LARS2: variants seen among roughly 807,000 people sequenced by gnomAD.
The protein encoded by LARS2 is leucine--tRNA ligase, mitochondrial.
LARS2 carries 81 observed loss-of-function variants against 116.6 expected under a neutral mutation model. The observed-to-expected ratio is 0.69, with a 90% confidence interval of 0.58 to 0.84. LARS2 has a LOEUF of 0.84. LARS2 is among the 40% of genes least tolerant of loss of function. The probability of loss-of-function intolerance (pLI) is 0.00; values close to 1 mark genes in which losing one functional copy is unlikely to be tolerated. For synonymous variants in LARS2, 396 were observed against 407.2 expected (o/e 0.97, Z 0.33); for missense variants, 968 against 1,114.5 (o/e 0.87, Z 1.87).
intron 7 of LARS2, among the ~76,000 whole-genome samples, chr3:45,451,754 T>G (rs1302032507): frequency 6.6e-6 from 1 of 152,148 alleles, no homozygotes; most frequent in East Asian, 1.9e-4. Flanking sequence ...GTCATTGATA[T>G]TCTGATAGGG....
At chr3:45,489,894 T>C (rs1162567712) in intron 12 of LARS2, among the ~76,000 whole-genome samples, 1 of 152,146 alleles carries the variant, frequency 6.6e-6, no homozygotes, top group African/African-American at 2.4e-5. Flanking sequence ...TGACTTAACA[T>C]AGTGATGCCA....
intron 6 of LARS2, among the ~76,000 whole-genome samples, chr3:45,433,455 G>A (rs961279693): frequency 3.9e-5 from 6 of 151,970 alleles, no homozygotes; most frequent in African/African-American, 7.2e-5. Flanking sequence ...TTATAATGTA[G>A]CACAATCTAC....
At chr3:45,440,729 T>C (rs1698891622) in intron 6 of LARS2, among the ~76,000 whole-genome samples, 1 of 152,130 alleles carries the variant, frequency 6.6e-6, no homozygotes, top group Non-Finnish European at 1.5e-5. Flanking sequence ...GACTAAATCC[T>C]GCCCAAGCAG....
At chr3:45,498,571 C>T (rs868192333) in intron 14 of LARS2, among the ~76,000 whole-genome samples, 9 of 152,212 alleles carry the variant, frequency 5.9e-5, no homozygotes, top group African/African-American at 9.6e-5. Context: ...GGTAGCCAGG[C>T]TCTTTTTTCT....
chr3:45,392,549 C>T (rs549548349), intron 2 of LARS2, among the ~76,000 whole-genome samples: 1 of 152,228 alleles, frequency 6.6e-6, no homozygotes, highest in East Asian at 1.9e-4. Context: ...CCTGCCTCAG[C>T]CTCCCAGAAT....
chr3:45,415,893 G>GA (rs1698411445), intron 4 of LARS2, among the ~76,000 whole-genome samples: 9 of 69,812 alleles, frequency 1.3e-4, no homozygotes, highest in East Asian at 3.6e-4. Context: ...AGAGAGAGAG[G>GA]GAGAGAGAGA....
At chr3:45,534,255 C>T (rs182356555) in intron 20 of LARS2, among the ~76,000 whole-genome samples, 1 of 152,216 alleles carries the variant, frequency 6.6e-6, no homozygotes, top group Admixed American at 6.5e-5. Context: ...AGGAATGTCC[C>T]CCTAGGTCAT....
At chr3:45,394,402 C>T (rs1387003846) in intron 2 of LARS2, 31 bp from the exon 3 acceptor site, 2 of 1,320,308 alleles carry the variant, frequency 1.5e-6, no homozygotes, top group African/African-American at 2.9e-5. Context: ...TTTGAGGCAG[C>T]TCATAGTGTG....
At chr3:45,523,125 A>G (rs1011160994) in intron 19 of LARS2, among the ~76,000 whole-genome samples, 1 of 152,238 alleles carries the variant, frequency 6.6e-6, no homozygotes, top group Non-Finnish European at 1.5e-5. Context: ...AAATAAAGCA[A>G]GACACTGAAA....
chr3:45,492,904 A>T (rs1202787617), intron 13 of LARS2, among the ~76,000 whole-genome samples: 1 of 152,120 alleles, frequency 6.6e-6, no homozygotes, highest in Non-Finnish European at 1.5e-5. Context: ...TTAGGGTAGA[A>T]ATGTTGGCTC....
intron 11 of LARS2, among the ~76,000 whole-genome samples, chr3:45,487,964 T>A (rs1483229888): frequency 2.6e-5 from 4 of 152,134 alleles, no homozygotes; most frequent in Non-Finnish European, 5.9e-5. Context: ...ACTTCCTGAC[T>A]GAGTGGATTT....
intron 10 of LARS2, among the ~76,000 whole-genome samples, chr3:45,477,594 C>G (rs1355172562): frequency 1.3e-5 from 2 of 152,152 alleles, no homozygotes; most frequent in African/African-American, 4.8e-5. Context: ...AGGGCTCTTA[C>G]CAGATAAGGG....
rs550614212 is a variant in LARS2 at position 45,399,358 on chromosome 3, A to G, written c.235-887A>G. Among the ~76,000 whole-genome samples the G allele has an allele frequency of 1.4e-4, 21 of 152,358 alleles. No homozygotes were observed. The South Asian group carries it at 4.1e-3, about 30-fold the overall frequency. ...AGAGATGTTACATCTATGTGATTCA[A>G]CTATTGCTTCTTTGAATTATATGGA... On this transcript the variant is annotated intron_variant, in intron 3 of 21. Coordinates refer to ENST00000645846, the MANE Select transcript of LARS2 (RefSeq NM_015340.4).
intron 4 of LARS2, among the ~76,000 whole-genome samples, chr3:45,401,696 T>C (rs2537815): frequency 0.75 from 114,040 of 151,942 alleles, 44,331 homozygotes; most frequent in African/African-American, 0.92. Flanking sequence ...TCACAGTTCA[T>C]TGCAGCCTCG....
intron 6 of LARS2, 46 bp downstream of exon 6, chr3:45,419,775 C>A (rs775141199): frequency 2.7e-6 from 4 of 1,466,166 alleles, no homozygotes; most frequent in Non-Finnish European, 3.8e-6. Flanking sequence ...TAAGGAAGGA[C>A]TTGATGGCAG....
intron 3 of LARS2, among the ~76,000 whole-genome samples, chr3:45,399,471 GT>G (rs1426329070): frequency 6.6e-6 from 1 of 151,390 alleles, no homozygotes; most frequent in African/African-American, 2.4e-5. Context: ...GTGTTTTTTT[GT>G]TTTGTTTTGT....
chr3:45,459,707 G>A (rs185109671), intron 8 of LARS2, among the ~76,000 whole-genome samples: 2 of 152,324 alleles, frequency 1.3e-5, no homozygotes, highest in Admixed American at 6.5e-5. Context: ...AGGTGCTGGA[G>A]TTGAGGGGTC....
intron 11 of LARS2, among the ~76,000 whole-genome samples, chr3:45,486,414 A>C (rs1575285594): frequency 6.6e-6 from 1 of 152,324 alleles, no homozygotes; most frequent in African/African-American, 2.4e-5. Flanking sequence ...AAGTCTGAGA[A>C]TGAACAAAGA....
intron 12 of LARS2, among the ~76,000 whole-genome samples, chr3:45,490,534 A>G (rs986260609): frequency 6.6e-6 from 1 of 152,228 alleles, no homozygotes; most frequent in Non-Finnish European, 1.5e-5. Context: ...CTTTCAGGAG[A>G]GCTTTTTATG....
Sources: gnomAD v4.1 joint callset for allele counts (sites outside exome capture counted in the v4.1 genomes callset) on GRCh38, gnomAD v4.1.1 for gene constraint, MANE v1.5 for transcripts, NCBI Gene and HGNC (gene_info 2026-07-23, HGNC 2026-07-21) for gene names.